The following PRRC1 variants were observed in gnomAD, a reference collection of about 807,000 sequenced individuals.
The protein encoded by PRRC1 is proline rich coiled-coil 1, also known as protein PRRC1.
A neutral mutation model predicts 40.7 loss-of-function variants in PRRC1; 39 were observed. That is an observed-to-expected ratio of 0.96 (90% confidence interval 0.74 to 1.25). PRRC1 has a LOEUF of 1.25. PRRC1 is among the 50% of genes most tolerant of loss of function. The pLI is 0.00. For synonymous variants in PRRC1, 175 were observed against 193.3 expected (o/e 0.91, Z 0.79); for missense variants, 573 against 548.3 (o/e 1.05, Z -0.45).
rs1767736734 is a variant in PRRC1, at chr5:127,530,392, T to C, written c.753T>C (p.Tyr251=). Reference sequence around the variant, plus strand: ...CGCTGGACCCTGGCATGGCTCCCTATATCAGTATGTACATAAGTTAGACCG... The same window carrying C: ...CGCTGGACCCTGGCATGGCTCCCTACATCAGTATGTACATAAGTTAGACCG... ...ITTLDPGMAP[Y]IKSGGELDIV... is the part of the protein sequence containing the mutation. The change falls in exon 5 of 9, where the codon TAT becomes TAC. Residue 251 remains tyrosine (Y), a synonymous_variant. Transcript: ENST00000296666. 6.2e-7 allele frequency: 1 copy of C among 1,611,908 alleles called. No homozygotes were observed. The highest frequency in any genetic ancestry group is 8.5e-7 in the Non-Finnish European group (1 of 1,178,256).
intron 1 of PRRC1, 49 bp from the exon 2 acceptor site, chr5:127,523,411 A>G: frequency 1.2e-6 from 1 of 830,458 alleles, no homozygotes; most frequent in Non-Finnish European, 1.8e-6. Flanking sequence ...CTTTAAAAAT[A>G]TACTTTTGGT....
chr5:127,537,882 C>T (rs1378951361), intron 6 of PRRC1, among the ~76,000 whole-genome samples: 2 of 151,946 alleles, frequency 1.3e-5, no homozygotes, highest in African/African-American at 2.4e-5. Flanking sequence ...TCAAAATCAA[C>T]AGGTGCCTCT....
chr5:127,520,526 A>G (rs1767430113), intron 1 of PRRC1, among the ~76,000 whole-genome samples: 1 of 152,238 alleles, frequency 6.6e-6, no homozygotes, highest in Admixed American at 6.5e-5. Flanking sequence ...ATGAATCTCA[A>G]GAACATTATG....
chr5:127,521,121 G>T (rs1009472312), intron 1 of PRRC1, among the ~76,000 whole-genome samples: 5 of 152,150 alleles, frequency 3.3e-5, no homozygotes, highest in Non-Finnish European at 7.4e-5. Context: ...AAGAACCAGT[G>T]TATCAGTATG....
chr5:127,541,779 G>T (rs1366309696), intron 7 of PRRC1, among the ~76,000 whole-genome samples: 2 of 151,190 alleles, frequency 1.3e-5, no homozygotes, highest in Non-Finnish European at 2.9e-5. Context: ...TTCTTTATTA[G>T]TCTTGCTAGC....
intron 7 of PRRC1, among the ~76,000 whole-genome samples, chr5:127,545,533 A>G (rs1768192568): frequency 6.6e-6 from 1 of 151,506 alleles, no homozygotes; most frequent in Admixed American, 6.6e-5. Flanking sequence ...AACTATCACA[A>G]GGACAAAAAA....
chr5:127,541,854 G>GT (rs1342948659), intron 7 of PRRC1, among the ~76,000 whole-genome samples: 39 of 151,664 alleles, frequency 2.6e-4, no homozygotes, highest in African/African-American at 9.0e-4. Flanking sequence ...TTTTTGAAGG[G>GT]TTTTTTGTGT....
chr5:127,534,819 CAAACTT>C (rs1333099583), intron 6 of PRRC1, among the ~76,000 whole-genome samples: 1 of 152,168 alleles, frequency 6.6e-6, no homozygotes, highest in East Asian at 1.9e-4. Flanking sequence ...TTGAATATCT[CAAACTT>C]AATATGTCTA....
At chr5:127,533,373 T>C (rs1203269050) in intron 5 of PRRC1, among the ~76,000 whole-genome samples, 1 of 152,124 alleles carries the variant, frequency 6.6e-6, no homozygotes, top group African/African-American at 2.4e-5. Flanking sequence ...AGATATGTGA[T>C]TTCTGGCTTG....
rs553883258 is a variant in PRRC1, at chr5:127,532,718, C to A, written c.758-905C>A. On this transcript the variant is annotated intron_variant, in intron 5 of 8. Coordinates refer to ENST00000296666, the MANE Select transcript of PRRC1 (RefSeq NM_130809.5). ...AAAAAGGGATCCATTATTTTTAAAA[C>A]CCAAATATTTGAAAATATCTTTCCC... 2.0e-3 allele frequency among the ~76,000 whole-genome samples: 311 copies of A among 152,270 alleles called. 4 individuals are homozygous for A. Among genetic ancestry groups the A allele is most frequent in the African/African-American group, 6.9e-3 (287 of 41,568 alleles).
At chr5:127,530,907 A>G (rs1026608173) in intron 5 of PRRC1, among the ~76,000 whole-genome samples, 2 of 152,220 alleles carry the variant, frequency 1.3e-5, no homozygotes, top group African/African-American at 4.8e-5. Flanking sequence ...CTAATCATCC[A>G]GAATCATCCA....
Position 127,553,774 on chromosome 5 carries a change from C to A in PRRC1, c.*1858C>A. 1 of 1,534,344 alleles carries A rather than the reference C, an allele frequency of 6.5e-7. No individual in the cohort carries two copies. Among genetic ancestry groups the A allele is most frequent in the South Asian group, 1.2e-5 (1 of 83,870 alleles). ...GTTTTGAGAATTGTTCTCATAGAAT[C>A]ACAAATACTGACATTTCATTAGATG... On this transcript the variant is annotated 3_prime_UTR_variant, in exon 9 of 9. Coordinates refer to ENST00000296666, the MANE Select transcript of PRRC1 (RefSeq NM_130809.5).
chr5:127,541,270 G>T (rs1037368691), intron 7 of PRRC1, among the ~76,000 whole-genome samples: 1 of 152,180 alleles, frequency 6.6e-6, no homozygotes, highest in African/African-American at 2.4e-5. Flanking sequence ...GCTGGATTCA[G>T]TTTGCCAGTA....
At chr5:127,549,771 T>G (rs1389359208) in intron 8 of PRRC1, 1 of 152,178 alleles carries the variant, frequency 6.6e-6, no homozygotes, top group Admixed American at 6.5e-5. Flanking sequence ...TTATTGTTTA[T>G]AGCTGCTTTT....
At position 127,539,067 on chromosome 5, in the gene PRRC1, C is replaced by G. The variant is rs749944350; in HGVS notation, c.949C>G (p.Arg317Gly). The G allele has an allele frequency of 1.2e-6, 2 of 1,612,580 alleles. No individual in the cohort carries two copies. Among genetic ancestry groups the G allele is most frequent in the Admixed American group, 3.3e-5 (2 of 59,944 alleles). Residue 317 changes from arginine (R) to glycine (G), a missense_variant, in exon 7 of 9, where the codon CGT becomes GGT. By Grantham distance (125) the Arg-to-Gly change is moderately radical. Transcript: ENST00000296666. ...KGAQERIDSLRRTGVIHEKQT... is the reference protein window; with the variant it reads ...KGAQERIDSLGRTGVIHEKQT... The stretch of plus-strand genomic sequence containing the variant: ...TGCTCAGGAACGGATAGATAGCTTG[C>G]GTCGAACTGGGGTGATCCATGAAAA...
At chr5:127,536,363 T>C (rs942635142) in intron 6 of PRRC1, among the ~76,000 whole-genome samples, 1 of 152,078 alleles carries the variant, frequency 6.6e-6, no homozygotes, top group Non-Finnish European at 1.5e-5. Context: ...TTAAACTAGT[T>C]GTATATATAT....
intron 4 of PRRC1, 22 bp downstream of exon 4, chr5:127,526,800 T>C (rs1767629817): frequency 1.3e-6 from 2 of 1,522,560 alleles, no homozygotes; most frequent in Non-Finnish European, 1.8e-6. Context: ...TTAAAAATTA[T>C]GTTTAATTTT....
intron 3 of PRRC1, 117 bp downstream of exon 3, chr5:127,525,037 C>A: frequency 9.9e-7 from 1 of 1,007,954 alleles, no homozygotes; most frequent in Non-Finnish European, 1.4e-6. Flanking sequence ...CAATTCAAAG[C>A]ATACAGTTCC....
chr5:127,534,458 T>C lies in PRRC1; in HGVS notation c.921+672T>C, dbSNP rs559942750. Among the ~76,000 whole-genome samples, 3 of 152,350 alleles carry C rather than the reference T, an allele frequency of 2.0e-5. No homozygotes were observed. The South Asian group carries it at 6.2e-4, about 32-fold the overall frequency. On this transcript the variant is annotated intron_variant, in intron 6 of 8. Coordinates refer to ENST00000296666, the MANE Select transcript of PRRC1 (RefSeq NM_130809.5). ...TAGGCTTTGATGTCCAGCACTCTAC[T>C]GATAGTGCTTTCAGGCTCGTGCTAA...
Sources: gnomAD v4.1 joint callset for allele counts (sites outside exome capture counted in the v4.1 genomes callset) on GRCh38, gnomAD v4.1.1 for gene constraint, MANE v1.5 for transcripts, NCBI Gene and HGNC (gene_info 2026-07-23, HGNC 2026-07-21) for gene names.